Variants in MMUT observed in about 807,000 individuals in gnomAD.
The protein encoded by MMUT is methylmalonyl-CoA mutase.
Under a neutral mutation model 79.9 loss-of-function variants are expected in MMUT, and 79 were observed. That is an observed-to-expected ratio of 0.99 (90% CI 0.82 to 1.19). The LOEUF (loss-of-function observed/expected upper bound fraction) is 1.19, where lower values mean the gene tolerates loss of function less well. Ranked by LOEUF, MMUT falls within the 50% of genes most tolerant of loss-of-function variation. MMUT has a pLI of 0.00. For missense variants in MMUT, 860 were observed against 917.2 expected (o/e 0.94, Z 0.81); for synonymous variants, 273 against 295.7 (o/e 0.92, Z 0.79).
At position 49,453,670 on chromosome 6, in the gene MMUT, A is replaced by G; in HGVS notation, c.998T>C (p.Ile333Thr). 1.9e-6 allele frequency: 3 copies of G among 1,613,242 alleles called. No individual in the cohort carries two copies. The South Asian group carries it at 3.3e-5, about 18-fold the overall frequency. ...GTTTTTAGGCTGAAACATTTTCTCT[A>G]TTAAGTGAGCCCAGAGTCTTCTACC... Reference protein sequence around the residue: ...RAGRRLWAHLIEKMFQPKNSK... With the variant: ...RAGRRLWAHLTEKMFQPKNSK... The change falls in exon 5 of 13, where the codon ATA becomes ACA. Residue 333 changes from isoleucine (I) to threonine (T), a missense_variant. Transcript: ENST00000274813.
At chr6:49,455,483 G>A (rs1006293264) in intron 4 of MMUT, among the ~76,000 whole-genome samples, 1 of 152,124 alleles carries the variant, frequency 6.6e-6, no homozygotes, top group East Asian at 1.9e-4. Context: ...AACACTAAAG[G>A]CAGAAGCTAT....
At chr6:49,445,294 G>A (rs926551482) in intron 8 of MMUT, among the ~76,000 whole-genome samples, 2 of 152,064 alleles carry the variant, frequency 1.3e-5, no homozygotes, top group African/African-American at 4.8e-5. Flanking sequence ...GAAAAGCACA[G>A]TAAAAAAGTT....
intron 9 of MMUT, among the ~76,000 whole-genome samples, chr6:49,444,083 T>C (rs769440431): frequency 6.6e-6 from 1 of 151,960 alleles, no homozygotes; most frequent in African/African-American, 2.4e-5. Flanking sequence ...TAGACCAAAA[T>C]GTCAAAAGGA....
At chr6:49,439,700 T>C (rs1349642629) in intron 11 of MMUT, among the ~76,000 whole-genome samples, 1 of 152,186 alleles carries the variant, frequency 6.6e-6, no homozygotes, top group Non-Finnish European at 1.5e-5. Context: ...TTTATCCTTC[T>C]AAGATTATCC....
chr6:49,452,493 T>C (rs6908203), intron 5 of MMUT, among the ~76,000 whole-genome samples: 70,803 of 151,782 alleles, frequency 0.47, 16,850 homozygotes, highest in African/African-American at 0.51. Flanking sequence ...CCAACACACC[T>C]GGCTAATTTT....
At chr6:49,436,560 ATACCACTG>A (rs1393368533) in intron 11 of MMUT, among the ~76,000 whole-genome samples, 1 of 151,554 alleles carries the variant, frequency 6.6e-6, no homozygotes, top group Non-Finnish European at 1.5e-5. Flanking sequence ...AGCCAAGATC[ATACCACTG>A]CACTCCAGCA....
chr6:49,431,371 A>T lies in MMUT; in HGVS notation c.*357T>A, dbSNP rs1766967828. On this transcript the variant is annotated 3_prime_UTR_variant, in exon 13 of 13. Coordinates refer to ENST00000274813, the MANE Select transcript of MMUT (RefSeq NM_000255.4). ...TAAACTGACAAATGGGAATAGTCAG[A>T]GTTTTTTTAGGTACAGTTTAATTCT... 6.1e-6 allele frequency: 1 copy of T among 163,544 alleles called. No individual in the cohort carries two copies. The highest frequency in any genetic ancestry group is 2.4e-5 in the African/African-American group (1 of 41,494). 10.1% of individuals were successfully genotyped at this position (163,544 alleles called of 1,614,324 possible).
At chr6:49,438,132 C>T (rs1278549013) in intron 11 of MMUT, among the ~76,000 whole-genome samples, 1 of 152,044 alleles carries the variant, frequency 6.6e-6, no homozygotes, top group African/African-American at 2.4e-5. Context: ...GTATCCTACT[C>T]AACTCAGAGC....
rs1202532015 is a variant in MMUT at position 49,443,307 on chromosome 6, A to G, written c.1676+1332T>C. Among the ~76,000 whole-genome samples, 3 of 152,250 alleles carry G rather than the reference A, an allele frequency of 2.0e-5. No individual in the cohort carries two copies. In the East Asian group the frequency reaches 5.8e-4, roughly 29 times the overall value. ...GTCTTCCTCTAGAAAAATGGAGGAC[A>G]TGCTTATTACCCATTACAAAAGATT... is the stretch of plus-strand genomic sequence containing the variant. On this transcript the variant is annotated intron_variant, in intron 9 of 12. Transcript: ENST00000274813.
chr6:49,447,917 A>G lies in MMUT; in HGVS notation c.1445-132T>C. On this transcript the variant is annotated intron_variant, in intron 7 of 12. Coordinates refer to ENST00000274813, the MANE Select transcript of MMUT (RefSeq NM_000255.4). ...TTAATTCTTAATGCAACTTCAATAT[A>G]GATCAGCAAATCCCAATCTGAGAAG... The G allele has an allele frequency of 4.8e-6, 3 of 630,918 alleles. 1 individual carries two copies. In the Admixed American group the frequency reaches 7.8e-5, roughly 16 times the overall value. The allele number at this position is 630,918 out of a possible 1,614,324, so 39.1% of individuals were successfully genotyped here. A position where few individuals can be genotyped will look rare whatever the true frequency, so the allele number is the denominator to read the frequency against.
At chr6:49,453,800 A>G in intron 4 of MMUT, 44 bp from the exon 5 acceptor site, 1 of 1,502,158 alleles carries the variant, frequency 6.7e-7, no homozygotes, top group Non-Finnish European at 9.2e-7. Context: ...AAAGTTAACA[A>G]TATAGAGCAG....
At chr6:49,456,049 T>C in intron 4 of MMUT, 31 bp downstream of exon 4, 2 of 1,577,458 alleles carry the variant, frequency 1.3e-6, no homozygotes, top group Non-Finnish European at 1.7e-6. Context: ...TTTCTTAATG[T>C]TGAAACAATA....
At chr6:49,434,079 C>T (rs1042266987) in intron 12 of MMUT, among the ~76,000 whole-genome samples, 1 of 151,646 alleles carries the variant, frequency 6.6e-6, no homozygotes, top group Non-Finnish European at 1.5e-5. Context: ...AATTCCAATT[C>T]AAATGTTTTC....
intron 4 of MMUT, 145 bp from the exon 5 acceptor site, chr6:49,453,901 C>T (rs1306227074): frequency 9.1e-6 from 6 of 657,328 alleles, no homozygotes; most frequent in Non-Finnish European, 1.5e-5. Context: ...AGTGCACGTA[C>T]ATTTATGTAA....
In MMUT at chr6:49,435,588, C is replaced by T. The variant is rs144146728; in HGVS notation, c.1992G>A (p.Ala664=). Residue 664 remains alanine, a synonymous_variant, in exon 12 of 13, where the codon GCG becomes GCA. Transcript: ENST00000274813. ...TGCTTATGCCCACAGCATGCACATC[C>T]GCATCCACAGCCTGCTGGGCCACTT... ...PREVAQQAVD[A]DVHAVGISTL... 4.7e-3 allele frequency: 7,548 copies of T among 1,613,886 alleles called. 355 individuals are homozygous for T. In the Admixed American group the frequency reaches 0.092, roughly 20 times the overall value.
intron 5 of MMUT, among the ~76,000 whole-genome samples, chr6:49,453,083 C>G (rs1767596677): frequency 6.9e-6 from 1 of 145,624 alleles, no homozygotes; most frequent in African/African-American, 2.5e-5. Context: ...CTCTTGTTGC[C>G]CAGGCTGGAG....
rs1204075161 is a variant in MMUT at position 49,431,792 on chromosome 6, T to G, written c.2189A>C (p.Lys730Thr). 6.2e-7 allele frequency: 1 copy of G among 1,614,038 alleles called. No homozygotes were observed. The highest frequency in any genetic ancestry group is 1.3e-5 in the African/African-American group (1 of 75,044). ...NVFGPGTRIP[K>T]AAVQVLDDIE... ...ATCATCAAGCACCTGAACGGCAGCCTTTGGAATTCGAGTCCCAGGACCAAA... is the reference window on the plus strand; with the variant it reads ...ATCATCAAGCACCTGAACGGCAGCCGTTGGAATTCGAGTCCCAGGACCAAA... The change falls in exon 13 of 13, where the codon AAG (lysine) becomes ACG (threonine). Residue 730 changes from lysine (K) to threonine (T), a missense_variant. Coordinates refer to ENST00000274813, the MANE Select transcript of MMUT (RefSeq NM_000255.4).
intron 11 of MMUT, among the ~76,000 whole-genome samples, chr6:49,436,337 G>T (rs1335394763): frequency 6.6e-6 from 1 of 152,130 alleles, no homozygotes; most frequent in Non-Finnish European, 1.5e-5. Context: ...TGGGCGTGGT[G>T]GTTCATGCCT....
chr6:49,450,935 A>G (rs1397047650), intron 6 of MMUT, among the ~76,000 whole-genome samples: 2 of 152,182 alleles, frequency 1.3e-5, no homozygotes, highest in African/African-American at 4.8e-5. Flanking sequence ...TTCAGAAAAG[A>G]TTACATTGAG....
Sources: gnomAD v4.1 joint callset for allele counts (sites outside exome capture counted in the v4.1 genomes callset) on GRCh38, gnomAD v4.1.1 for gene constraint, MANE v1.5 for transcripts, NCBI Gene and HGNC (gene_info 2026-07-23, HGNC 2026-07-21) for gene names.